The following NLGN1 variants were observed in gnomAD, a reference collection of about 807,000 sequenced individuals.
NLGN1 encodes neuroligin-1.
In NLGN1, 12 loss-of-function variants were observed where a neutral mutation model predicts 65.5. That is an observed-to-expected ratio of 0.18 (90% CI 0.12 to 0.30). NLGN1 has a LOEUF of 0.30. Ranked by LOEUF, NLGN1 falls within the 10% of genes least tolerant of loss-of-function variation. The probability of loss-of-function intolerance (pLI) is 1.00; values close to 1 mark genes in which losing one functional copy is unlikely to be tolerated. For missense variants in NLGN1, 750 were observed against 1,007.1 expected (o/e 0.74, Z 3.46); for synonymous variants, 350 against 359.5 (o/e 0.97, Z 0.30).
intron 1 of NLGN1, among the ~76,000 whole-genome samples, chr3:173,412,817 A>T (rs972410591): frequency 2.0e-5 from 3 of 152,302 alleles, no homozygotes; most frequent in African/African-American, 7.2e-5. Context: ...ACAAGAAGGG[A>T]TTCTATGAAA....
chr3:174,019,450 C>A (rs918641212), intron 4 of NLGN1, among the ~76,000 whole-genome samples: 1 of 152,212 alleles, frequency 6.6e-6, no homozygotes, highest in Admixed American at 6.5e-5. Context: ...CCAGATGTGG[C>A]CCCTCAAGCT....
exon 7 of NLGN1, chr3:174,281,007 C>G (rs1324736375): frequency 6.2e-7 from 1 of 1,613,338 alleles, no homozygotes; most frequent in Admixed American, 1.7e-5. Flanking sequence ...AACCCATGCA[C>G]AAGAAGAGGA....
chr3:173,721,884 G>A (rs1445189560), intron 3 of NLGN1, among the ~76,000 whole-genome samples: 2 of 151,764 alleles, frequency 1.3e-5, no homozygotes, highest in Non-Finnish European at 2.9e-5. Flanking sequence ...AACCAAGTAT[G>A]CTTTGATGCT....
intron 3 of NLGN1, among the ~76,000 whole-genome samples, chr3:173,616,581 T>G (rs1432040669): frequency 1.3e-5 from 2 of 152,102 alleles, no homozygotes; most frequent in East Asian, 3.9e-4. Flanking sequence ...AAGCCAACCC[T>G]CCCGACATGA....
rs563325100 is a variant in NLGN1 at position 174,231,810 on chromosome 3, G to A, written c.647-43505G>A. On this transcript the variant is annotated intron_variant, in intron 4 of 6. Transcript: ENST00000457714. ...CGCTTTCAAAATTGCTTCCCTTTTC[G>A]TATTGGCTCTACTCTGCAAGGTTCC... 1.2e-4 allele frequency among the ~76,000 whole-genome samples: 18 copies of A among 152,154 alleles called. No homozygotes were observed. The East Asian group carries it at 1.5e-3, about 13-fold the overall frequency.
Position 174,268,570 on chromosome 3 carries a change from T to G in NLGN1, c.647-6745T>G, listed in dbSNP as rs181666986. Among the ~76,000 whole-genome samples, 309 of 152,144 alleles carry G rather than the reference T, an allele frequency of 2.0e-3. 1 individual carries two copies. Among genetic ancestry groups the G allele is most frequent in the Non-Finnish European group, 3.3e-3 (224 of 68,000 alleles). On this transcript the variant is annotated intron_variant, in intron 4 of 6. Coordinates refer to ENST00000457714, the Ensembl canonical transcript of NLGN1. Reference sequence around the variant, plus strand: ...ATTACAACCTAAATTGGGAAGAAATTTGGTTAAAATAAATACTTCGGTCTT... The same window carrying G: ...ATTACAACCTAAATTGGGAAGAAATGTGGTTAAAATAAATACTTCGGTCTT...
At chr3:173,859,851 T>C (rs1728722046) in intron 4 of NLGN1, among the ~76,000 whole-genome samples, 1 of 152,088 alleles carries the variant, frequency 6.6e-6, no homozygotes, top group African/African-American at 2.4e-5. Context: ...GTCTAAATTT[T>C]AAAAGTTTGG....
At chr3:173,873,525 T>A (rs1731569419) in intron 4 of NLGN1, among the ~76,000 whole-genome samples, 1 of 152,196 alleles carries the variant, frequency 6.6e-6, no homozygotes, top group Non-Finnish European at 1.5e-5. Flanking sequence ...GCATGTGTAA[T>A]TGTAGATTTT....
At chr3:174,108,885 C>G (rs994158002) in intron 4 of NLGN1, among the ~76,000 whole-genome samples, 1 of 152,012 alleles carries the variant, frequency 6.6e-6, no homozygotes, top group South Asian at 2.1e-4. Flanking sequence ...CTTCATATTT[C>G]AAAGTCTCCG....
intron 4 of NLGN1, among the ~76,000 whole-genome samples, chr3:174,042,234 T>C (rs1732494018): frequency 6.6e-6 from 1 of 150,558 alleles, no homozygotes; most frequent in Admixed American, 6.7e-5. Context: ...TTTGATGTAT[T>C]ATTTTTTTTC....
At chr3:174,192,226 A>G (rs1393100523) in intron 4 of NLGN1, among the ~76,000 whole-genome samples, 1 of 152,154 alleles carries the variant, frequency 6.6e-6, no homozygotes, top group Non-Finnish European at 1.5e-5. Flanking sequence ...TTTTTGAAAC[A>G]CATTAGAGAA....
intron 4 of NLGN1, among the ~76,000 whole-genome samples, chr3:173,882,635 C>G (rs1733562302): frequency 6.6e-6 from 1 of 152,208 alleles, no homozygotes; most frequent in Non-Finnish European, 1.5e-5. Context: ...TTCGTCTTCT[C>G]TCTCAGCCTT....
chr3:173,885,298 AT>A (rs1189859725), intron 4 of NLGN1, among the ~76,000 whole-genome samples: 2 of 151,848 alleles, frequency 1.3e-5, no homozygotes, highest in African/African-American at 2.4e-5. Context: ...GTGTGCTGTT[AT>A]TTTTTTCAAA....
chr3:173,500,313 G>A (rs1730847598), intron 2 of NLGN1, among the ~76,000 whole-genome samples: 1 of 152,160 alleles, frequency 6.6e-6, no homozygotes, highest in African/African-American at 2.4e-5. Context: ...AGGTAATCAT[G>A]TGGTTTTTGT....
chr3:173,601,269 T>C lies in NLGN1; in HGVS notation c.-320-3010T>C, dbSNP rs1330743723. 2.6e-5 allele frequency among the ~76,000 whole-genome samples: 4 copies of C among 152,022 alleles called. No homozygotes were observed. In the East Asian group the frequency reaches 7.7e-4, roughly 29 times the overall value. On this transcript the variant is annotated intron_variant, in intron 2 of 6. Coordinates refer to ENST00000457714, the Ensembl canonical transcript of NLGN1. The stretch of plus-strand genomic sequence containing the variant: ...TACAAAAGAATACAGGGAATTCAAA[T>C]ACTAAAGTTTTGTCAAACTTGCTGT...
chr3:173,529,137 C>T (rs535381641), intron 2 of NLGN1, among the ~76,000 whole-genome samples: 1 of 152,138 alleles, frequency 6.6e-6, no homozygotes, highest in East Asian at 1.9e-4. Flanking sequence ...TATTTCCCAC[C>T]CCACCTTGAG....
intron 3 of NLGN1, among the ~76,000 whole-genome samples, chr3:173,731,873 TG>T (rs1224561653): frequency 6.6e-6 from 1 of 152,070 alleles, no homozygotes; most frequent in African/African-American, 2.4e-5. Context: ...AGACATTTTT[TG>T]TAAAGAACAA....
At chr3:173,935,516 CTT>C (rs1348691311) in intron 4 of NLGN1, among the ~76,000 whole-genome samples, 3 of 151,782 alleles carry the variant, frequency 2.0e-5, no homozygotes, top group Admixed American at 1.3e-4. Flanking sequence ...TAATGACACT[CTT>C]CCACAAAGTT....
chr3:174,112,867 A>G (rs2152622711), intron 4 of NLGN1, among the ~76,000 whole-genome samples: 1 of 152,070 alleles, frequency 6.6e-6, no homozygotes, highest in South Asian at 2.1e-4. Context: ...TAGTCAGTGA[A>G]CATATGAATT....
Sources: allele counts gnomAD v4.1 joint callset (sites outside exome capture counted in the v4.1 genomes callset), GRCh38; gene constraint gnomAD v4.1.1; transcripts MANE v1.5; gene names NCBI Gene and HGNC (gene_info 2026-07-23, HGNC 2026-07-21).